The following RANBP2 variants were observed in gnomAD, a reference collection of about 807,000 sequenced individuals.
RANBP2 encodes E3 SUMO-protein ligase RanBP2.
In RANBP2, 57 loss-of-function variants were observed where a neutral mutation model predicts 303.6. The observed-to-expected ratio is 0.19, with a 90% CI of 0.15 to 0.23. RANBP2 has a LOEUF of 0.23. Among genes scored for constraint, RANBP2 ranks in the 10% least tolerant of loss-of-function variants. The probability of loss-of-function intolerance (pLI) is 1.00; values close to 1 mark genes in which losing one functional copy is unlikely to be tolerated. For missense variants in RANBP2, 3,138 were observed against 3,780.8 expected, an observed-to-expected ratio of 0.83 and a Z score of 4.46; for synonymous variants, 1,167 against 1,301.5, an observed-to-expected ratio of 0.90 and a Z score of 2.23.
the RANBP2 span, among the ~76,000 whole-genome samples, chr2:109,378,950 C>A: frequency 6.6e-6 from 1 of 152,210 alleles, no homozygotes; most frequent in African/African-American, 2.4e-5. Context: ...CTGTCTCTCT[C>A]TACAGCTCCC....
chr2:109,670,259 ATGGTGGG>A, the RANBP2 span, among the ~76,000 whole-genome samples: 2 of 137,814 alleles, frequency 1.5e-5, no homozygotes, highest in African/African-American at 5.3e-5. Context: ...CCTATGCCCC[ATGGTGGG>A]GGACAGGTTA....
At chr2:109,036,849 A>T in the RANBP2 span, among the ~76,000 whole-genome samples, 1 of 152,136 alleles carries the variant, frequency 6.6e-6, no homozygotes, top group African/African-American at 2.4e-5. Context: ...CTCTTCAAAA[A>T]ATACAAAAAT....
At chr2:109,369,317 C>T in the RANBP2 span, among the ~76,000 whole-genome samples, 3 of 152,036 alleles carry the variant, frequency 2.0e-5, no homozygotes, top group Admixed American at 2.0e-4. Flanking sequence ...CCATTGCACT[C>T]CAGTCTGGCG....
the RANBP2 span, among the ~76,000 whole-genome samples, chr2:108,819,899 A>T: frequency 6.6e-6 from 1 of 152,222 alleles, no homozygotes; most frequent in Admixed American, 6.5e-5. Flanking sequence ...AAAAACTGTA[A>T]CCGATAATTT....
At chr2:109,194,436 G>A in the RANBP2 span, among the ~76,000 whole-genome samples, 1 of 152,210 alleles carries the variant, frequency 6.6e-6, no homozygotes, top group African/African-American at 2.4e-5. Context: ...CTGCGCTCTC[G>A]GCTGGCTGAT....
chr2:108,761,269 G>T (rs889647610), intron 18 of RANBP2, among the ~76,000 whole-genome samples: 4 of 150,188 alleles, frequency 2.7e-5, no homozygotes, highest in Admixed American at 6.7e-5. Context: ...CCTCTGTAAG[G>T]TTTCCAAAAT....
the RANBP2 span, chr2:108,930,889 C>A: frequency 6.6e-7 from 1 of 1,524,488 alleles, no homozygotes. Flanking sequence ...CATTTTACAG[C>A]TGAAGAGGCC....
chr2:109,474,473 C>T, the RANBP2 span, among the ~76,000 whole-genome samples: 4 of 152,180 alleles, frequency 2.6e-5, no homozygotes, highest in Non-Finnish European at 5.9e-5. Context: ...TGGTCCAGAG[C>T]AGGCCATGAT....
chr2:108,876,216 CAAAATGT>C, the RANBP2 span: 3 of 1,612,812 alleles, frequency 1.9e-6, no homozygotes, highest in Non-Finnish European at 2.5e-6. Flanking sequence ...CTGGGTTTAA[CAAAATGT>C]AACTCCCTGG....
the RANBP2 span, among the ~76,000 whole-genome samples, chr2:109,391,554 G>A: frequency 1.3e-5 from 2 of 152,254 alleles, no homozygotes; most frequent in African/African-American, 2.4e-5. Flanking sequence ...ATCTCCTCCA[G>A]GGTAGAAGCC....
chr2:109,461,991 C>T, the RANBP2 span, among the ~76,000 whole-genome samples: 6 of 152,028 alleles, frequency 3.9e-5, no homozygotes, highest in Admixed American at 2.0e-4. Flanking sequence ...CTCCACCTTA[C>T]GAGGGATGTC....
the RANBP2 span, chr2:108,876,402 T>A: frequency 2.1e-6 from 1 of 485,174 alleles, no homozygotes; most frequent in Non-Finnish European, 3.6e-6. Context: ...AAAAATGAAA[T>A]CTGTAGAAGG....
In RANBP2 at chr2:108,767,841, A is replaced by C. The variant is rs1338547030; in HGVS notation, c.7302A>C (p.Lys2434Asn). 1.2e-6 allele frequency: 2 copies of C among 1,610,156 alleles called. No homozygotes were observed. Among genetic ancestry groups the C allele is most frequent in the Non-Finnish European group, 1.7e-6 (2 of 1,179,718 alleles). Residue 2434 changes from lysine (K) to asparagine (N), a missense_variant, in exon 20 of 29, where the codon AAA becomes AAC. This residue lies in a region of RANBP2 where 92 missense variants were observed against 211.0 expected (regional missense o/e 0.44). Coordinates refer to ENST00000283195, the MANE Select transcript of RANBP2 (RefSeq NM_006267.5). ...KLQDVADSFK[K>N]IFDEAKTAQE... ...AGGATGTTGCAGACTCGTTTAAGAAAATTTTTGATGAAGCAAAAACAGCCC... is the reference window on the plus strand; with the variant it reads ...AGGATGTTGCAGACTCGTTTAAGAACATTTTTGATGAAGCAAAAACAGCCC...
At chr2:109,499,446 G>T in the RANBP2 span, among the ~76,000 whole-genome samples, 1 of 152,184 alleles carries the variant, frequency 6.6e-6, no homozygotes, top group East Asian at 1.9e-4. Context: ...GGTGGCCCAG[G>T]GGCATCTTCT....
At chr2:109,012,297 G>A in the RANBP2 span, among the ~76,000 whole-genome samples, 1 of 152,178 alleles carries the variant, frequency 6.6e-6, no homozygotes, top group Admixed American at 6.5e-5. Context: ...AGAGCTGCCT[G>A]GGAGGAAAGG....
chr2:109,207,806 G>T, the RANBP2 span, among the ~76,000 whole-genome samples: 4 of 152,054 alleles, frequency 2.6e-5, no homozygotes, highest in African/African-American at 9.7e-5. Flanking sequence ...AGTTTAAATG[G>T]CACAATTTTC....
the RANBP2 span, among the ~76,000 whole-genome samples, chr2:109,140,115 CCT>C: frequency 1.3e-5 from 2 of 152,154 alleles, no homozygotes; most frequent in African/African-American, 4.8e-5. Flanking sequence ...GCCCCTTTTC[CCT>C]CTGTCCACCG....
chr2:109,241,941 G>A, the RANBP2 span, among the ~76,000 whole-genome samples: 3 of 151,798 alleles, frequency 2.0e-5, no homozygotes, highest in Admixed American at 6.6e-5. Context: ...CCTGAGACAC[G>A]ATGTTCCCCA....
chr2:109,119,013 G>A, the RANBP2 span, among the ~76,000 whole-genome samples: 1 of 152,146 alleles, frequency 6.6e-6, no homozygotes, highest in Non-Finnish European at 1.5e-5. Flanking sequence ...ATTCTATAAC[G>A]GACTTGCCTT....
Sources: gnomAD v4.1 joint callset for allele counts (sites outside exome capture counted in the v4.1 genomes callset) on GRCh38, gnomAD v4.1.1 for gene constraint, gnomAD v4.1.1 regional missense constraint, MANE v1.5 for transcripts, NCBI Gene and HGNC (gene_info 2026-07-23, HGNC 2026-07-21) for gene names.